Variants in CEP112 observed in about 807,000 individuals in gnomAD.
CEP112 encodes the protein centrosomal protein of 112 kDa.
In CEP112, 127 loss-of-function variants were observed where a neutral mutation model predicts 153.0. That is an observed-to-expected ratio of 0.83 (90% CI 0.72 to 0.96). The LOEUF (loss-of-function observed/expected upper bound fraction) is 0.96, where lower values mean the gene tolerates loss of function less well. CEP112 is among the 40% of genes least tolerant of loss of function. CEP112 has a pLI of 0.00. For synonymous variants in CEP112, 358 were observed against 374.4 expected (o/e 0.96, Z 0.51); for missense variants, 1,089 against 1,101.2 (o/e 0.99, Z 0.16).
At chr17:65,886,451 G>A (rs1201873516) in intron 20 of CEP112, among the ~76,000 whole-genome samples, 28 of 152,038 alleles carry the variant, frequency 1.8e-4, no homozygotes, top group Admixed American at 1.6e-3. Context: ...TGATTATAAC[G>A]GCATAGCAGG....
intron 23 of CEP112, among the ~76,000 whole-genome samples, chr17:65,741,258 AGTATTTTTT>A (rs1473241592): frequency 6.6e-6 from 1 of 152,158 alleles, no homozygotes; most frequent in Non-Finnish European, 1.5e-5. Flanking sequence ...TGTTATTCAC[AGTATTTTTT>A]GTGATACAGC....
intron 21 of CEP112, among the ~76,000 whole-genome samples, chr17:65,802,401 C>A (rs1243361474): frequency 1.3e-5 from 2 of 152,072 alleles, no homozygotes; most frequent in Non-Finnish European, 2.9e-5. Flanking sequence ...TATTGACTTG[C>A]AAAACTACAT....
rs561415397 is a variant in CEP112 at position 66,191,887 on chromosome 17, C to T, written c.-9+110G>A. The T allele has an allele frequency of 6.6e-6, 1 of 152,342 alleles. No individual in the cohort carries two copies. The highest frequency in any genetic ancestry group is 1.9e-4 in the East Asian group (1 of 5,142). 9.4% of individuals were successfully genotyped at this position (152,342 alleles called of 1,614,324 possible). On this transcript the variant is annotated intron_variant, in intron 1 of 26. Transcript: ENST00000535342. This position sits in a 1 kb window ranked among gnomAD's most constrained non-coding sequence, Gnocchi z 4.2. ...ACGGGCCCAGGGCCTGAGGGCGACG[C>T]CCCTTCCCGAACGGGCCCGCAAGGG... is the stretch of plus-strand genomic sequence containing the variant.
At chr17:65,999,736 A>G (rs974164408) in intron 17 of CEP112, among the ~76,000 whole-genome samples, 1 of 151,410 alleles carries the variant, frequency 6.6e-6, no homozygotes, top group African/African-American at 2.4e-5. Flanking sequence ...CCATCCTGCC[A>G]TAGGACCCAG....
In CEP112 at chr17:65,889,653, A is replaced by G. The variant is rs185166636; in HGVS notation, c.2163+12499T>C. ...TCACTGTTGGTATCCATTACCCTCC[A>G]TGCTCATGATTCTTTAATCTTATTT... On this transcript the variant is annotated intron_variant, in intron 20 of 26. Transcript: ENST00000535342. 6.1e-4 allele frequency among the ~76,000 whole-genome samples: 93 copies of G among 152,170 alleles called. 2 individuals are homozygous for G. Among genetic ancestry groups the G allele is most frequent in the South Asian group, 4.4e-3 (21 of 4,824 alleles).
chr17:66,065,097 G>A (rs185721050), intron 10 of CEP112, among the ~76,000 whole-genome samples: 2 of 152,152 alleles, frequency 1.3e-5, no homozygotes, highest in East Asian at 3.9e-4. Flanking sequence ...TCATTGCCTA[G>A]ATCTTCTCAT....
intron 17 of CEP112, among the ~76,000 whole-genome samples, chr17:65,997,405 A>G (rs866814648): frequency 3.8e-4 from 58 of 152,156 alleles, no homozygotes; most frequent in African/African-American, 1.4e-3. Context: ...TATGAAATAC[A>G]CAGAAGGCTG....
At chr17:66,084,245 C>T (rs931863760) in intron 8 of CEP112, among the ~76,000 whole-genome samples, 5 of 152,120 alleles carry the variant, frequency 3.3e-5, no homozygotes, top group African/African-American at 1.2e-4. Flanking sequence ...CAATGGAAAA[C>T]AGTTTGGAGG....
chr17:65,724,742 G>T (rs2144902553), intron 23 of CEP112, among the ~76,000 whole-genome samples: 1 of 152,260 alleles, frequency 6.6e-6, no homozygotes, highest in Non-Finnish European at 1.5e-5. Context: ...CTGAAGTCAG[G>T]TGTTAAAGTT....
At chr17:65,940,075 G>A (rs1015504306) in intron 18 of CEP112, among the ~76,000 whole-genome samples, 3 of 152,074 alleles carry the variant, frequency 2.0e-5, no homozygotes, top group African/African-American at 4.8e-5. Flanking sequence ...AACAGGCAAA[G>A]GACCTAACCA....
intron 21 of CEP112, among the ~76,000 whole-genome samples, chr17:65,816,546 A>G (rs1362640098): frequency 6.6e-6 from 1 of 151,972 alleles, no homozygotes; most frequent in African/African-American, 2.4e-5. Context: ...CTTTTTCTAC[A>G]TCTACTGATA....
chr17:65,714,436 A>G (rs1766595128), intron 23 of CEP112, among the ~76,000 whole-genome samples: 2 of 152,066 alleles, frequency 1.3e-5, no homozygotes, highest in African/African-American at 2.4e-5. Flanking sequence ...TTTTTTAATA[A>G]TTATTAGCCA....
At chr17:65,792,809 T>C (rs2054667575) in intron 21 of CEP112, among the ~76,000 whole-genome samples, 1 of 152,168 alleles carries the variant, frequency 6.6e-6, no homozygotes, top group African/African-American at 2.4e-5. Flanking sequence ...TCAGAACATA[T>C]GGCTGGCACT....
intron 19 of CEP112, among the ~76,000 whole-genome samples, chr17:65,903,730 C>T (rs1248052707): frequency 6.6e-6 from 1 of 152,152 alleles, no homozygotes; most frequent in African/African-American, 2.4e-5. Flanking sequence ...TACTGGCAAA[C>T]CGAATCCAGC....
At chr17:66,072,269 CA>C in intron 8 of CEP112, among the ~76,000 whole-genome samples, 1 of 152,116 alleles carries the variant, frequency 6.6e-6, no homozygotes, top group Non-Finnish European at 1.5e-5. Context: ...GCGTGGTTAT[CA>C]AATTGAGGAA....
intron 6 of CEP112, 118 bp from the exon 7 acceptor site, chr17:66,096,750 A>G (rs1015747146): frequency 1.4e-6 from 1 of 699,986 alleles, no homozygotes; most frequent in South Asian, 1.9e-5. Flanking sequence ...CTTAATATTT[A>G]ATTCATTTTT....
chr17:65,951,743 G>C (rs115905370), intron 18 of CEP112, among the ~76,000 whole-genome samples: 14,724 of 75,786 alleles, frequency 0.19, 1,684 homozygotes, highest in East Asian at 0.47. Context: ...ATCTTCCCCC[G>C]CCCCCCCCTT....
At chr17:66,044,179 AAATT>A (rs916097842) in intron 12 of CEP112, among the ~76,000 whole-genome samples, 80 of 152,200 alleles carry the variant, frequency 5.3e-4, no homozygotes, top group Middle Eastern at 6.9e-3. Flanking sequence ...AAACTTATAA[AAATT>A]AAAAATTCCA....
intron 18 of CEP112, among the ~76,000 whole-genome samples, chr17:65,959,710 G>C (rs764613577): frequency 6.6e-6 from 1 of 152,152 alleles, no homozygotes; most frequent in South Asian, 2.1e-4. Flanking sequence ...CAGTATACCT[G>C]GTCCAGCCAC....
Sources: gnomAD v4.1 joint callset for allele counts (sites outside exome capture counted in the v4.1 genomes callset) on GRCh38, gnomAD v4.1.1 for gene constraint, Gnocchi (gnomAD v3.1) non-coding constraint, MANE v1.5 for transcripts, NCBI Gene and HGNC (gene_info 2026-07-23, HGNC 2026-07-21) for gene names.